The following GRIP2 variants were observed in gnomAD, a reference collection of about 807,000 sequenced individuals.
GRIP2 encodes glutamate receptor interacting protein 2.
A neutral mutation model predicts 108.3 loss-of-function variants in GRIP2; 58 were observed. The observed-to-expected ratio is 0.54, with a 90% CI of 0.43 to 0.67. The LOEUF is 0.67. GRIP2 is among the 30% of genes least tolerant of loss of function. GRIP2 has a pLI of 0.00. For synonymous variants in GRIP2, 586 were observed against 598.2 expected, an observed-to-expected ratio of 0.98 and a Z score of 0.30; for missense variants, 1,278 against 1,430.6, an observed-to-expected ratio of 0.89 and a Z score of 1.72.
chr3:14,562,009 G>T, the GRIP2 span, among the ~76,000 whole-genome samples: 317 of 152,362 alleles, frequency 2.1e-3, no homozygotes, highest in African/African-American at 7.2e-3. Context: ...TAATATTCTA[G>T]TGAGGAAGAC....
intron 1 of GRIP2, among the ~76,000 whole-genome samples, chr3:14,537,999 A>T (rs4264718): frequency 1.3e-5 from 2 of 152,232 alleles, no homozygotes; most frequent in African/African-American, 2.4e-5. Context: ...GATAGGTCAC[A>T]GTCCCTTCCT....
chr3:14,536,179 A>C (rs950146860), intron 1 of GRIP2, among the ~76,000 whole-genome samples: 3 of 152,258 alleles, frequency 2.0e-5, no homozygotes, highest in Non-Finnish European at 2.9e-5. Context: ...CTTAATAAGT[A>C]GCACCCAGTG....
chr3:14,593,386 C>T, the GRIP2 span, among the ~76,000 whole-genome samples: 1 of 152,358 alleles, frequency 6.6e-6, no homozygotes, highest in Non-Finnish European at 1.5e-5. Flanking sequence ...ATGACTGATC[C>T]TCATGGCTCC....
At chr3:14,513,411 G>A (rs887495328) in intron 13 of GRIP2, among the ~76,000 whole-genome samples, 12 of 152,292 alleles carry the variant, frequency 7.9e-5, no homozygotes, top group Non-Finnish European at 1.3e-4. Flanking sequence ...ATGCTGAGAA[G>A]GAGCTTGGAG....
At chr3:14,541,773 C>T, upstream of GRIP2, 1 of 805,512 alleles carries the variant, frequency 1.2e-6, no homozygotes, top group Non-Finnish European at 1.8e-6. Context: ...AGGTCTCAGC[C>T]ACAGGGTGGG....
At chr3:14,520,996 C>CATCATATT (rs1348935775) in intron 7 of GRIP2, 1 of 183,268 alleles carries the variant, frequency 5.5e-6, no homozygotes, top group Non-Finnish European at 1.2e-5. Flanking sequence ...GCTGGACCGT[C>CATCATATT]ATCATATTTC....
chr3:14,548,431 G>A (rs914079123), intron 1 of GRIP2, among the ~76,000 whole-genome samples: 2 of 152,110 alleles, frequency 1.3e-5, no homozygotes, highest in South Asian at 2.1e-4. Context: ...ACGGACCTCC[G>A]CACACTGGAG....
upstream of GRIP2, among the ~76,000 whole-genome samples, chr3:14,557,272 G>A (rs951947549): frequency 2.6e-5 from 4 of 152,246 alleles, no homozygotes; most frequent in Non-Finnish European, 5.9e-5. Context: ...ATTACACAGC[G>A]AGGAAGTGAT....
In GRIP2 at chr3:14,505,783, T is replaced by G. The variant is rs1693909060; in HGVS notation, c.2405A>C (p.Tyr802Ser). ...TEGGFGGPGSYTPQAAARGTT... is the reference protein window; with the variant it reads ...TEGGFGGPGSSTPQAAARGTT... ...GCCCCGGGCTGCTGCCTGTGGTGTA[T>G]AGGACCCTGGTGGTGGAGAGAGGGC... The change falls in exon 20 of 24, where the codon TAT becomes TCT. Residue 802 changes from tyrosine to serine, a missense_variant. Coordinates refer to ENST00000621039, the MANE Select transcript of GRIP2 (RefSeq NM_001080423.4). This position sits in a 1 kb window ranked among gnomAD's most constrained non-coding sequence, Gnocchi z 4.2. 6.5e-7 allele frequency: 1 copy of G among 1,536,950 alleles called. No individual in the cohort carries two copies. The highest frequency in any genetic ancestry group is 8.7e-7 in the Non-Finnish European group (1 of 1,143,018).
the GRIP2 span, chr3:14,572,966 GC>G: frequency 6.8e-7 from 1 of 1,476,478 alleles, no homozygotes; most frequent in Non-Finnish European, 9.5e-7. Context: ...GGACCACCAG[GC>G]CAGCCAGGAG....
chr3:14,495,557 C>G (rs537687112), intron 22 of GRIP2, among the ~76,000 whole-genome samples: 17 of 152,286 alleles, frequency 1.1e-4, no homozygotes, highest in African/African-American at 4.1e-4. Context: ...CAGACGTGTG[C>G]CACCATGCCC....
At chr3:14,520,614 TTTAATCCTTGCTGCCTGGAAGAAACTG>T in intron 7 of GRIP2, 77 bp from the exon 8 acceptor site, 1 of 1,490,626 alleles carries the variant, frequency 6.7e-7, no homozygotes, top group Non-Finnish European at 9.3e-7. Context: ...GCTATCCTGA[TTTAATCCTTGCTGCCTGGAAGAAACTG>T]TTATACCCAT....
chr3:14,524,505 C>T lies in GRIP2; in HGVS notation c.291G>A (p.Arg97=), dbSNP rs1694500932. The T allele has an allele frequency of 6.4e-7, 1 of 1,557,808 alleles. No homozygotes were observed. The highest frequency in any genetic ancestry group is 1.9e-5 in the Admixed American group (1 of 51,648). ...TGGTCAGGTGGATCCCGTTCACAGA[C>T]CGAATATAGTCACCAATGTTCAGCA... The part of the protein sequence containing the change: ...SDLLNIGDYI[R]SVNGIHLTRL... The change falls in exon 4 of 24, where the codon CGG becomes CGA. Residue 97 remains arginine (R), a synonymous_variant. Coordinates refer to ENST00000621039, the MANE Select transcript of GRIP2 (RefSeq NM_001080423.4).
intron 1 of GRIP2, among the ~76,000 whole-genome samples, chr3:14,532,460 G>C (rs893884925): frequency 6.6e-6 from 1 of 152,152 alleles, no homozygotes; most frequent in Non-Finnish European, 1.5e-5. Context: ...CCTGTGGTGG[G>C]GGCTTCTCTT....
rs369124892 is a variant in GRIP2 at position 14,519,125 on chromosome 3, C to T, written c.1030+985G>A. 1.3e-3 allele frequency among the ~76,000 whole-genome samples: 196 copies of T among 152,302 alleles called. 4 individuals carry two copies. In the South Asian group the frequency reaches 0.027, roughly 21 times the overall value. On this transcript the variant is annotated intron_variant, in intron 9 of 23. Coordinates refer to ENST00000621039, the MANE Select transcript of GRIP2 (RefSeq NM_001080423.4). Reference sequence around the variant, plus strand: ...CGTGGCAGATGCTCGATAAATGGTACGAGAATGAATGACGCTGTTTCAAGC... The same window carrying T: ...CGTGGCAGATGCTCGATAAATGGTATGAGAATGAATGACGCTGTTTCAAGC...
At chr3:14,573,821 G>A in the GRIP2 span, 28 of 1,519,416 alleles carry the variant, frequency 1.8e-5, no homozygotes, top group East Asian at 5.6e-4. Context: ...CTGGGGCGCT[G>A]GAATGGATGG....
At chr3:14,523,726 G>A (rs781590877) in intron 4 of GRIP2, 28 bp from the exon 5 acceptor site, 1 of 1,502,146 alleles carries the variant, frequency 6.7e-7, no homozygotes, top group Non-Finnish European at 9.2e-7. Flanking sequence ...ACTCCTTTGA[G>A]TCCCTCAGTC....
chr3:14,544,455 GC>G (rs1299422515), upstream of GRIP2, among the ~76,000 whole-genome samples: 1 of 152,164 alleles, frequency 6.6e-6, no homozygotes, highest in African/African-American at 2.4e-5. Context: ...TGTCGGGGGT[GC>G]CCCACCAGCA....
intron 11 of GRIP2, 74 bp from the exon 12 acceptor site, chr3:14,514,552 G>A (rs899825303): frequency 4.3e-5 from 61 of 1,431,862 alleles, no homozygotes; most frequent in Middle Eastern, 2.6e-4. Flanking sequence ...TGCCCATCCC[G>A]GGGCCCTAGG....
Sources: gnomAD v4.1 joint callset for allele counts (sites outside exome capture counted in the v4.1 genomes callset) on GRCh38, gnomAD v4.1.1 for gene constraint, Gnocchi (gnomAD v3.1) non-coding constraint, MANE v1.5 for transcripts, NCBI Gene and HGNC (gene_info 2026-07-23, HGNC 2026-07-21) for gene names.